HEATR5B: variants seen among roughly 807,000 people sequenced by gnomAD.
HEATR5B encodes HEAT repeat containing 5B.
A neutral mutation model predicts 224.1 loss-of-function variants in HEATR5B; 156 were observed. That is an observed-to-expected ratio of 0.70 (90% confidence interval 0.61 to 0.80). The LOEUF (loss-of-function observed/expected upper bound fraction) is 0.80, where lower values mean the gene tolerates loss of function less well. Among genes scored for constraint, HEATR5B ranks in the 30% least tolerant of loss-of-function variants. The pLI, the probability that HEATR5B is intolerant of heterozygous loss-of-function variation, is 0.00. For synonymous variants in HEATR5B, 1,027 were observed against 893.0 expected, an observed-to-expected ratio of 1.15 and a Z score of -2.68; for missense variants, 2,323 against 2,535.5, an observed-to-expected ratio of 0.92 and a Z score of 1.80.
chr2:37,072,374 T>C, intron 5 of HEATR5B, 93 bp from the exon 6 acceptor site: 3 of 793,102 alleles, frequency 3.8e-6, no homozygotes, highest in African/African-American at 3.5e-5. Context: ...TCTCCTGAGA[T>C]AACCAAAAAA....
chr2:37,003,181 G>C (rs1483941227), intron 31 of HEATR5B, among the ~76,000 whole-genome samples: 1 of 150,132 alleles, frequency 6.7e-6, no homozygotes, highest in Non-Finnish European at 1.5e-5. Flanking sequence ...CCTGATCCTG[G>C]GAGTTTGAGG....
At chr2:37,047,345 G>T (rs897582522) in intron 18 of HEATR5B, among the ~76,000 whole-genome samples, 1 of 152,030 alleles carries the variant, frequency 6.6e-6, no homozygotes, top group Non-Finnish European at 1.5e-5. Flanking sequence ...TTGTTTTGAG[G>T]AATAAAGAAG....
Position 37,002,332 on chromosome 2 carries a change from T to C in HEATR5B, c.5291A>G (p.Asp1764Gly). 1.2e-6 allele frequency: 2 copies of C among 1,614,220 alleles called. No individual in the cohort carries two copies. Among genetic ancestry groups the C allele is most frequent in the Non-Finnish European group, 1.7e-6 (2 of 1,180,042 alleles). ...AGCGGGTGAACAAAGGGATGGTAAATCAGAGAGTATGGTAACTGTGGCTGC... is the reference window on the plus strand; with the variant it reads ...AGCGGGTGAACAAAGGGATGGTAAACCAGAGAGTATGGTAACTGTGGCTGC... ...LVAATVTILS[D>G]LPSLCSPAGC... The change falls in exon 32 of 36, where the codon GAT (aspartate) becomes GGT (glycine). Residue 1764 changes from aspartate to glycine, a missense_variant. Around this residue, in one of 12 missense-constraint regions of HEATR5B, gnomAD observed 844 missense variants for 812.9 expected, o/e 1.04. Coordinates refer to ENST00000233099, the MANE Select transcript of HEATR5B (RefSeq NM_019024.3).
At position 37,068,885 on chromosome 2, in the gene HEATR5B, G is replaced by T. The variant is rs757089586; in HGVS notation, c.973C>A (p.Arg325Ser). The T allele has an allele frequency of 2.5e-6, 4 of 1,614,066 alleles. No individual in the cohort carries two copies. The East Asian group carries it at 8.9e-5, about 36-fold the overall frequency. The change falls in exon 8 of 36, where the codon CGC becomes AGC. Residue 325 changes from arginine to serine, a missense_variant. Transcript: ENST00000233099. ...TGGGACAGGAACGTGGCAAAGCTGC[G>T]CTCCAACCACTGACCACCCAATGTT... ...VTTLGGQWLE[R>S]SFATFLSHVL... is the part of the protein sequence containing the mutation.
In HEATR5B at chr2:37,067,440, C is replaced by T. The variant is rs191137639; in HGVS notation, c.1177+1241G>A. On this transcript the variant is annotated intron_variant, in intron 8 of 35. Transcript: ENST00000233099. ...TCATTAATTTAAACACTTTAATTCA[C>T]GATTCATAATTTTCAGTTAGCTCTA... Among the ~76,000 whole-genome samples the T allele has an allele frequency of 3.3e-3, 505 of 152,242 alleles. 2 individuals carry two copies. The highest frequency in any genetic ancestry group is 5.5e-3 in the Non-Finnish European group (373 of 68,012).
intron 21 of HEATR5B, among the ~76,000 whole-genome samples, chr2:37,036,558 T>G (rs1375768154): frequency 6.6e-6 from 1 of 151,844 alleles, no homozygotes; most frequent in Admixed American, 6.6e-5. Context: ...CTCGCCCAGG[T>G]TGGAGTGCAA....
intron 18 of HEATR5B, among the ~76,000 whole-genome samples, chr2:37,045,555 T>A (rs1670138780): frequency 1.3e-5 from 2 of 152,216 alleles, no homozygotes; most frequent in Admixed American, 1.3e-4. Flanking sequence ...TTCTGAAAAT[T>A]GTTTCACCTA....
intron 22 of HEATR5B, among the ~76,000 whole-genome samples, chr2:37,029,936 A>AAAATAAATAAATAAAT (rs150155666): frequency 0.014 from 2,049 of 142,502 alleles, 25 homozygotes; most frequent in Non-Finnish European, 0.018. Flanking sequence ...TCTATCTCAA[A>AAAATAAATAAATAAAT]AAATAAATAA....
In HEATR5B at chr2:37,080,550, C is replaced by A. The variant is rs191010348; in HGVS notation, c.127-1219G>T. 8.6e-5 allele frequency among the ~76,000 whole-genome samples: 13 copies of A among 151,982 alleles called. No individual in the cohort carries two copies. The East Asian group carries it at 2.5e-3, about 29-fold the overall frequency. On this transcript the variant is annotated intron_variant, in intron 2 of 35. Coordinates refer to ENST00000233099, the MANE Select transcript of HEATR5B (RefSeq NM_019024.3). ...AGTCAAAAATGACTCTATGGTTTTC[C>A]CTTGAGCAACTAGAAGGATGAAATG... is the stretch of plus-strand genomic sequence containing the variant.
rs781180114 is a variant in HEATR5B, at chr2:37,049,733, C to G, written c.2616G>C (p.Ala872=). 6.2e-7 allele frequency: 1 copy of G among 1,613,900 alleles called. No individual in the cohort carries two copies. The highest frequency in any genetic ancestry group is 1.1e-5 in the South Asian group (1 of 91,084). The change falls in exon 18 of 36, where the codon GCG becomes GCC. Residue 872 remains alanine, a synonymous_variant. Coordinates refer to ENST00000233099, the MANE Select transcript of HEATR5B (RefSeq NM_019024.3). ...DNPNPILRCA[A]GEALGRMAQV... is the part of the protein sequence containing the mutation. ...GAGCCATTCTTCCAAGAGCTTCCCC[C>G]GCTGCACAACGTAAGATGGGGTTTG...
intron 33 of HEATR5B, among the ~76,000 whole-genome samples, chr2:36,993,597 C>G (rs1666487724): frequency 6.6e-6 from 1 of 150,912 alleles, no homozygotes; most frequent in East Asian, 1.9e-4. Context: ...GAGAAAGTCT[C>G]AAAGTATTTC....
intron 35 of HEATR5B, among the ~76,000 whole-genome samples, chr2:36,982,008 T>C (rs1665614294): frequency 6.7e-6 from 1 of 149,802 alleles, no homozygotes; most frequent in South Asian, 2.2e-4. Flanking sequence ...TTTACATTTA[T>C]ATTAATTTGC....
intron 33 of HEATR5B, among the ~76,000 whole-genome samples, chr2:36,993,214 C>A (rs1209072063): frequency 1.3e-5 from 2 of 151,868 alleles, no homozygotes; most frequent in Non-Finnish European, 2.9e-5. Flanking sequence ...ATTGAAGTAA[C>A]AGTAAGGGAC....
chr2:37,030,222 T>A (rs896602888), intron 22 of HEATR5B, among the ~76,000 whole-genome samples: 1 of 151,912 alleles, frequency 6.6e-6, no homozygotes, highest in African/African-American at 2.4e-5. Flanking sequence ...AAATACAGAA[T>A]AAGGGGAGGT....
chr2:37,019,882 A>G lies in HEATR5B; in HGVS notation c.4036-5T>C. The G allele has an allele frequency of 6.3e-7, 1 of 1,581,186 alleles. No individual in the cohort carries two copies. The highest frequency in any genetic ancestry group is 8.6e-7 in the Non-Finnish European group (1 of 1,157,644). On this transcript the variant is annotated splice_region_variant and splice_polypyrimidine_tract_variant and intron_variant, in intron 25 of 35. Transcript: ENST00000233099. ...TGGTCTTAGAGCAGCTCCCACCTAG[A>G]AAAATAAATAAAGCATTTTATTTTT...
chr2:37,041,394 A>G (rs1487413663), intron 18 of HEATR5B, 102 bp from the exon 19 acceptor site: 1 of 1,057,438 alleles, frequency 9.5e-7, no homozygotes, highest in African/African-American at 1.6e-5. Flanking sequence ...GGGAAATAAG[A>G]AAAGATTATA....
chr2:36,990,257 A>T (rs1666239442), intron 34 of HEATR5B, among the ~76,000 whole-genome samples: 1 of 151,944 alleles, frequency 6.6e-6, no homozygotes, highest in Admixed American at 6.6e-5. Flanking sequence ...TCAAGTTTAG[A>T]CTCTGACATT....
rs1338470158 is a variant in HEATR5B at position 37,061,944 on chromosome 2, G to C, written c.1691C>G (p.Thr564Ser). The change falls in exon 11 of 36, where the codon ACT becomes AGT. Residue 564 changes from threonine (T) to serine (S), a missense_variant. By Grantham distance (58) the Thr-to-Ser change is moderately conservative. Transcript: ENST00000233099. The part of the protein sequence containing the change: ...AGWLLLGALM[T>S]LGPSVVRYHL... ...CTACTCAAATATAATTATACCTAAA[G>C]TCATAAGTGCTCCAAGTAAAAGCCA... is the stretch of plus-strand genomic sequence containing the variant. 6 of 1,601,598 alleles carry C rather than the reference G, an allele frequency of 3.7e-6. No homozygotes were observed. Among genetic ancestry groups the C allele is most frequent in the Admixed American group, 3.3e-5 (2 of 59,974 alleles).
intron 16 of HEATR5B, 98 bp from the exon 17 acceptor site, chr2:37,053,705 T>C: frequency 1.7e-6 from 1 of 598,688 alleles, no homozygotes; most frequent in Non-Finnish European, 2.9e-6. Flanking sequence ...GTTTAGCAAA[T>C]AATTCCCCAT....
Sources: allele counts gnomAD v4.1 joint callset (sites outside exome capture counted in the v4.1 genomes callset), GRCh38; gene constraint gnomAD v4.1.1; regional missense constraint gnomAD v4.1.1; transcripts MANE v1.5; gene names NCBI Gene and HGNC (gene_info 2026-07-23, HGNC 2026-07-21).